The following MACF1 variants were observed in gnomAD, a reference collection of about 807,000 sequenced individuals.
MACF1 encodes the protein microtubule-actin cross-linking factor 1.
In MACF1, 193 loss-of-function variants were observed where a neutral mutation model predicts 854.8. The observed-to-expected ratio is 0.23, with a 90% CI of 0.20 to 0.25. The LOEUF (loss-of-function observed/expected upper bound fraction) is 0.25, where lower values mean the gene tolerates loss of function less well. Ranked by LOEUF, MACF1 falls within the 10% of genes least tolerant of loss-of-function variation. The probability of loss-of-function intolerance (pLI) is 1.00; values close to 1 mark genes in which losing one functional copy is unlikely to be tolerated. For missense variants in MACF1, 7,722 were observed against 8,929.1 expected (o/e 0.86, Z 5.45); for synonymous variants, 3,185 against 3,226.7 (o/e 0.99, Z 0.44).
At chr1:39,240,586 C>T (rs1644910691) in intron 2 of MACF1, among the ~76,000 whole-genome samples, 1 of 152,202 alleles carries the variant, frequency 6.6e-6, no homozygotes, top group South Asian at 2.1e-4. Context: ...GCAGCCTCCG[C>T]CACCCGGGTT....
chr1:39,210,067 G>T (rs1177797747), intron 1 of MACF1, among the ~76,000 whole-genome samples: 2 of 151,382 alleles, frequency 1.3e-5, no homozygotes, highest in Non-Finnish European at 2.9e-5. Flanking sequence ...TCCAGCCTGG[G>T]CAACAGAGTG....
chr1:39,363,828 T>C (rs1021027100), intron 49 of MACF1, among the ~76,000 whole-genome samples: 1 of 152,010 alleles, frequency 6.6e-6, no homozygotes. Flanking sequence ...TTGGCCAGGA[T>C]CTCAAACTCC....
intron 6 of MACF1, 107 bp downstream of exon 6, chr1:39,258,135 A>T: frequency 1.1e-6 from 1 of 902,354 alleles, no homozygotes; most frequent in Non-Finnish European, 1.8e-6. Flanking sequence ...TCTATTTGTC[A>T]GTGAACAAAG....
At chr1:39,290,301 G>C (rs755693300) in intron 15 of MACF1, among the ~76,000 whole-genome samples, 36 of 152,094 alleles carry the variant, frequency 2.4e-4, no homozygotes, top group South Asian at 1.2e-3. Context: ...CCTTACCCCA[G>C]TGTATGTTCT....
chr1:39,359,724 A>G (rs1352596380), intron 47 of MACF1, among the ~76,000 whole-genome samples: 3 of 151,732 alleles, frequency 2.0e-5, no homozygotes, highest in Non-Finnish European at 2.9e-5. Flanking sequence ...TAATCCCAGC[A>G]CTTTGGGAGG....
intron 2 of MACF1, among the ~76,000 whole-genome samples, chr1:39,108,076 C>T (rs1279892386): frequency 6.7e-6 from 1 of 149,952 alleles, no homozygotes; most frequent in Admixed American, 6.7e-5. Context: ...TGTGTGGTGG[C>T]AGTGAGCATG....
intron 2 of MACF1, among the ~76,000 whole-genome samples, chr1:39,193,419 T>C (rs1275569273): frequency 6.6e-6 from 1 of 152,224 alleles, no homozygotes; most frequent in East Asian, 1.9e-4. Flanking sequence ...ACTTAGTCAT[T>C]GAGCTGTTCA....
At chr1:39,337,879 C>T (rs1467997706) in intron 38 of MACF1, among the ~76,000 whole-genome samples, 1 of 151,902 alleles carries the variant, frequency 6.6e-6, no homozygotes, top group Admixed American at 6.6e-5. Flanking sequence ...CCGCCATTCT[C>T]CTGCCTCAGC....
intron 2 of MACF1, among the ~76,000 whole-genome samples, chr1:39,235,728 A>AATCAGACGT (rs1644853448): frequency 1.3e-5 from 2 of 152,142 alleles, no homozygotes; most frequent in African/African-American, 2.4e-5. Context: ...ACTTCCTGTA[A>AATCAGACGT]ATCAGACGTA....
intron 2 of MACF1, among the ~76,000 whole-genome samples, chr1:39,110,893 A>G (rs980254509): frequency 6.6e-6 from 1 of 152,228 alleles, no homozygotes; most frequent in Non-Finnish European, 1.5e-5. Context: ...TTCAGAGTGC[A>G]TATCTGAGAA....
chr1:39,333,887 T>C lies in MACF1; in HGVS notation c.7299T>C (p.Val2433=). The C allele has an allele frequency of 6.2e-7, 1 of 1,614,160 alleles. No individual in the cohort carries two copies. The highest frequency in any genetic ancestry group is 1.1e-5 in the South Asian group (1 of 91,084). The part of the protein sequence containing the change: ...TLASTLGLVD[V]ADQPELINLE... ...CCTCAACTCTTGGCTTGGTGGACGT[T>C]GCTGACCAGCCAGAACTTATAAATC... The change falls in exon 37 of 101, where the codon GTT becomes GTC. Residue 2433 remains valine (V), a synonymous_variant. Coordinates refer to ENST00000564288, the MANE Select transcript of MACF1 (RefSeq NM_001394062.1).
At chr1:39,310,554 T>C in intron 25 of MACF1, 126 bp downstream of exon 25, 1 of 1,039,772 alleles carries the variant, frequency 9.6e-7, no homozygotes, top group Middle Eastern at 3.2e-4. Context: ...AGCTACGAAC[T>C]TGAGATAGAG....
chr1:39,252,598 G>C (rs1645053336), intron 4 of MACF1, among the ~76,000 whole-genome samples: 1 of 151,694 alleles, frequency 6.6e-6, no homozygotes, highest in Non-Finnish European at 1.5e-5. Context: ...TCTTTTTCCA[G>C]AAACAAGGAT....
chr1:39,387,367 G>A lies in MACF1; in HGVS notation c.14525G>A (p.Ser4842Asn). The change falls in exon 58 of 101, where the codon AGT (serine) becomes AAT (asparagine). Residue 4842 changes from serine to asparagine, a missense_variant. Coordinates refer to ENST00000564288, the MANE Select transcript of MACF1 (RefSeq NM_001394062.1). ...QLQENEEFQK[S>N]LNQHSGSYEV... The stretch of plus-strand genomic sequence containing the variant: ...CAGGAGAATGAAGAGTTTCAGAAAA[G>A]TCTTAATCAACACAGTGGCTCCTAT... The A allele has an allele frequency of 6.2e-7, 1 of 1,614,198 alleles. No individual in the cohort carries two copies. Among genetic ancestry groups the A allele is most frequent in the Non-Finnish European group, 8.5e-7 (1 of 1,180,040 alleles).
intron 4 of MACF1, among the ~76,000 whole-genome samples, chr1:39,253,947 T>C (rs186614198): frequency 6.6e-6 from 1 of 152,234 alleles, no homozygotes; most frequent in Non-Finnish European, 1.5e-5. Context: ...TTAGGAGTCA[T>C]AGAGCCAAAG....
At chr1:39,194,092 C>G (rs906751724) in intron 2 of MACF1, among the ~76,000 whole-genome samples, 1 of 152,030 alleles carries the variant, frequency 6.6e-6, no homozygotes, top group Non-Finnish European at 1.5e-5. Flanking sequence ...CTCGTCCTCC[C>G]AAAGTGCTGG....
intron 18 of MACF1, 65 bp downstream of exon 18, chr1:39,293,684 A>G (rs1421233991): frequency 1.1e-5 from 16 of 1,505,106 alleles, no homozygotes; most frequent in Middle Eastern, 2.3e-4. Context: ...GACAGGGCCT[A>G]GTCTGCTGAA....
chr1:39,412,289 C>A, intron 58 of MACF1: 1 of 1,613,890 alleles, frequency 6.2e-7, no homozygotes. Flanking sequence ...TTATATGAAT[C>A]AAATTTACTA....
At position 39,126,362 on chromosome 1, in the gene MACF1, T is replaced by C. The variant is rs1642860016; in HGVS notation, c.220+41924T>C. Reference sequence around the variant, plus strand: ...TGTCCCCTTTTTATAACACTAGTTATATTGGGTTAGAGCCTTTTCGAATGA... The same window carrying C: ...TGTCCCCTTTTTATAACACTAGTTACATTGGGTTAGAGCCTTTTCGAATGA... On this transcript the variant is annotated intron_variant, in intron 2 of 93. Coordinates refer to the MACF1 transcript ENST00000361689. Among the ~76,000 whole-genome samples, 3 of 152,256 alleles carry C rather than the reference T, an allele frequency of 2.0e-5. No individual in the cohort carries two copies. In the South Asian group the frequency reaches 6.2e-4, roughly 31 times the overall value.
Sources: gnomAD v4.1 joint callset for allele counts (sites outside exome capture counted in the v4.1 genomes callset) on GRCh38, gnomAD v4.1.1 for gene constraint, MANE v1.5 for transcripts, NCBI Gene and HGNC (gene_info 2026-07-23, HGNC 2026-07-21) for gene names.